Variants in CREB3L2 observed in about 807,000 individuals in gnomAD.
CREB3L2 encodes cyclic AMP-responsive element-binding protein 3-like protein 2.
In CREB3L2, 23 loss-of-function variants were observed where a neutral mutation model predicts 57.2. The observed-to-expected ratio is 0.40, with a 90% CI of 0.29 to 0.57. CREB3L2 has a LOEUF of 0.57. Ranked by LOEUF, CREB3L2 falls within the 20% of genes least tolerant of loss-of-function variation. The pLI, the probability that CREB3L2 is intolerant of heterozygous loss-of-function variation, is 0.42. For synonymous variants in CREB3L2, 268 were observed against 265.1 expected (o/e 1.01, Z -0.11); for missense variants, 628 against 634.7 (o/e 0.99, Z 0.11).
chr7:137,968,963 T>C (rs1250795128), intron 1 of CREB3L2, among the ~76,000 whole-genome samples: 1 of 151,576 alleles, frequency 6.6e-6, no homozygotes, highest in Non-Finnish European at 1.5e-5. Context: ...AGGAGAAGAA[T>C]AGGGTCAAGG....
intron 1 of CREB3L2, among the ~76,000 whole-genome samples, chr7:137,954,158 C>T (rs904345549): frequency 3.9e-5 from 6 of 152,116 alleles, no homozygotes; most frequent in South Asian, 2.1e-4. Flanking sequence ...GTCCTGTCTA[C>T]GCATGAGGGA....
At chr7:137,950,545 GC>G (rs1801075811) in intron 1 of CREB3L2, among the ~76,000 whole-genome samples, 1 of 152,058 alleles carries the variant, frequency 6.6e-6, no homozygotes, top group South Asian at 2.1e-4. Context: ...CCGTAGTAGT[GC>G]TTTTTTTCAG....
chr7:137,929,472 C>G (rs1279452249), intron 1 of CREB3L2, among the ~76,000 whole-genome samples: 1 of 151,930 alleles, frequency 6.6e-6, no homozygotes, highest in East Asian at 1.9e-4. Context: ...GTTGTGAAAC[C>G]AAAAATATTT....
At position 137,950,438 on chromosome 7, in the gene CREB3L2, C is replaced by T. The variant is rs57691334; in HGVS notation, c.103-22072G>A. Among the ~76,000 whole-genome samples the T allele has an allele frequency of 4.0e-3, 615 of 152,326 alleles. 2 individuals are homozygous for T. The highest frequency in any genetic ancestry group is 0.013 in the African/African-American group (539 of 41,568). ...ACCACATCAAAGAAGCTCACAAATGCTAACGCCTCTCATAAATGTAAGGTG... is the reference window on the plus strand; with the variant it reads ...ACCACATCAAAGAAGCTCACAAATGTTAACGCCTCTCATAAATGTAAGGTG... On this transcript the variant is annotated intron_variant, in intron 1 of 11. Coordinates refer to ENST00000330387, the MANE Select transcript of CREB3L2 (RefSeq NM_194071.4).
chr7:137,954,290 AAAAG>A (rs1311276785), intron 1 of CREB3L2, among the ~76,000 whole-genome samples: 2 of 152,036 alleles, frequency 1.3e-5, no homozygotes, highest in East Asian at 3.9e-4. Context: ...TTTTTCCTGA[AAAAG>A]AAAGACTAGT....
At chr7:137,983,610 C>A (rs962982772) in intron 1 of CREB3L2, among the ~76,000 whole-genome samples, 5 of 152,188 alleles carry the variant, frequency 3.3e-5, no homozygotes, top group African/African-American at 1.2e-4. Flanking sequence ...CATTGTGAGC[C>A]GCCAAATAAC....
chr7:137,945,807 T>C (rs1363627602), intron 1 of CREB3L2, among the ~76,000 whole-genome samples: 1 of 152,220 alleles, frequency 6.6e-6, no homozygotes, highest in Admixed American at 6.5e-5. Context: ...CGCCTCCTCA[T>C]GAGGGTGGGC....
chr7:137,955,280 C>T (rs1200043419), intron 1 of CREB3L2: 2 of 1,289,138 alleles, frequency 1.6e-6, no homozygotes, highest in Non-Finnish European at 2.0e-6. Context: ...CAGACAGTTT[C>T]TCTAAGGAGC....
chr7:137,954,461 G>C (rs1191639314), intron 1 of CREB3L2, among the ~76,000 whole-genome samples: 1 of 152,124 alleles, frequency 6.6e-6, no homozygotes, highest in East Asian at 1.9e-4. Flanking sequence ...AACTATAATG[G>C]CCACGGCTTT....
At chr7:137,961,901 AG>A (rs1013084108) in intron 1 of CREB3L2, among the ~76,000 whole-genome samples, 41 of 152,024 alleles carry the variant, frequency 2.7e-4, no homozygotes, top group African/African-American at 9.7e-4. Flanking sequence ...TCTCCGTGGC[AG>A]GCCCCCTCAC....
rs1411582166 is a variant in CREB3L2, at chr7:137,941,725, C to G, written c.103-13359G>C. 3.3e-5 allele frequency among the ~76,000 whole-genome samples: 5 copies of G among 152,198 alleles called. No homozygotes were observed. In the East Asian group the frequency reaches 9.6e-4, roughly 29 times the overall value. Reference sequence around the variant, plus strand: ...ATGAAGAACCTGAAGTTAAGGTACACTACACCACTACCCTAAAGAAGCAGA... The same window carrying G: ...ATGAAGAACCTGAAGTTAAGGTACAGTACACCACTACCCTAAAGAAGCAGA... On this transcript the variant is annotated intron_variant, in intron 1 of 11. Transcript: ENST00000330387.
At chr7:137,996,257 C>A (rs1463255258) in intron 1 of CREB3L2, among the ~76,000 whole-genome samples, 1 of 152,210 alleles carries the variant, frequency 6.6e-6, no homozygotes, top group Non-Finnish European at 1.5e-5. Flanking sequence ...CTTATCAAAT[C>A]TTTCCTGACA....
intron 2 of CREB3L2, among the ~76,000 whole-genome samples, chr7:137,927,241 G>GGGAAC (rs1448709494): frequency 1.5e-5 from 2 of 136,424 alleles, no homozygotes; most frequent in Non-Finnish European, 3.0e-5. Context: ...AAGGAAGGGA[G>GGGAAC]GGAACGGAAC....
At chr7:137,939,826 G>C (rs1188646526) in intron 1 of CREB3L2, among the ~76,000 whole-genome samples, 1 of 152,098 alleles carries the variant, frequency 6.6e-6, no homozygotes, top group African/African-American at 2.4e-5. Flanking sequence ...ATCTTGGATG[G>C]GAGTGCTGGA....
chr7:137,900,693 G>A (rs562554525), intron 8 of CREB3L2, among the ~76,000 whole-genome samples: 1 of 151,552 alleles, frequency 6.6e-6, no homozygotes, highest in Admixed American at 6.6e-5. Flanking sequence ...AGTCCCAGCT[G>A]CTCAGGAGGC....
chr7:138,002,002 C>T lies in CREB3L2; in HGVS notation c.-297G>A, dbSNP rs553809736. Reference sequence around the variant, plus strand: ...ATGAAGGCAGAAGACCCGCTCTCATCCCAGGAAAATCCCTTAGCCGCAAGC... The same window carrying T: ...ATGAAGGCAGAAGACCCGCTCTCATTCCAGGAAAATCCCTTAGCCGCAAGC... On this transcript the variant is annotated 5_prime_UTR_variant, in exon 1 of 12. Transcript: ENST00000330387. The T allele has an allele frequency of 5.4e-6, 2 of 368,048 alleles. No individual in the cohort carries two copies. Among genetic ancestry groups the T allele is most frequent in the African/African-American group, 2.1e-5 (1 of 48,418 alleles). The allele number at this position is 368,048 out of a possible 1,614,324, so 22.8% of individuals were successfully genotyped here.
intron 1 of CREB3L2, among the ~76,000 whole-genome samples, chr7:137,945,856 T>G (rs967648953): frequency 2.6e-5 from 4 of 152,214 alleles, no homozygotes; most frequent in African/African-American, 9.7e-5. Context: ...ATCGAAACAC[T>G]TTTTCTTTCA....
chr7:137,928,030 TGTAG>T, intron 2 of CREB3L2, 116 bp downstream of exon 2: 1 of 797,582 alleles, frequency 1.3e-6, no homozygotes, highest in South Asian at 1.6e-5. Context: ...CCGTACACAC[TGTAG>T]GTATCTCACT....
intron 4 of CREB3L2, 198 bp downstream of exon 4, chr7:137,912,793 T>C: frequency 6.8e-7 from 1 of 1,469,952 alleles, no homozygotes; most frequent in African/African-American, 1.4e-5. Context: ...ATCACGTGCA[T>C]ATATGGGAAA....
Sources: allele counts gnomAD v4.1 joint callset (sites outside exome capture counted in the v4.1 genomes callset), GRCh38; gene constraint gnomAD v4.1.1; transcripts MANE v1.5; gene names NCBI Gene and HGNC (gene_info 2026-07-23, HGNC 2026-07-21).